The following ERC2 variants were observed in gnomAD, a reference collection of about 807,000 sequenced individuals.
The protein encoded by ERC2 is ELKS/RAB6-interacting/CAST family member 2.
In ERC2, 42 loss-of-function variants were observed where a neutral mutation model predicts 114.8. The observed-to-expected ratio is 0.37, with a 90% CI of 0.29 to 0.47. The LOEUF (loss-of-function observed/expected upper bound fraction) is 0.47, where lower values mean the gene tolerates loss of function less well. Among genes scored for constraint, ERC2 ranks in the 20% least tolerant of loss-of-function variants. The probability of loss-of-function intolerance (pLI) is 0.99; values close to 1 mark genes in which losing one functional copy is unlikely to be tolerated. For missense variants in ERC2, 939 were observed against 1,150.7 expected (o/e 0.82, Z 2.66); for synonymous variants, 454 against 425.5 (o/e 1.07, Z -0.82).
intron 15 of ERC2, among the ~76,000 whole-genome samples, chr3:55,716,911 G>A (rs815410): frequency 0.55 from 83,352 of 152,010 alleles, 23,243 homozygotes; most frequent in South Asian, 0.69. Flanking sequence ...AGGGGCCCAG[G>A]GATTCCCACA....
intron 2 of ERC2, among the ~76,000 whole-genome samples, chr3:56,417,859 T>G (rs1456476731): frequency 6.6e-6 from 1 of 152,188 alleles, no homozygotes; most frequent in African/African-American, 2.4e-5. Flanking sequence ...AGGATTACAA[T>G]GTAAGCATCA....
chr3:55,651,093 T>C (rs2060603795), intron 17 of ERC2, among the ~76,000 whole-genome samples: 2 of 141,020 alleles, frequency 1.4e-5, no homozygotes, highest in Non-Finnish European at 1.5e-5. Flanking sequence ...ATTCCTGACC[T>C]CATGTGATCC....
intron 17 of ERC2, among the ~76,000 whole-genome samples, chr3:55,585,969 C>T (rs2057576906): frequency 6.6e-6 from 1 of 152,186 alleles, no homozygotes; most frequent in Non-Finnish European, 1.5e-5. Context: ...CCTTTCTTCC[C>T]TTAGCCTGCA....
intron 3 of ERC2, among the ~76,000 whole-genome samples, chr3:56,286,352 T>G (rs1342476273): frequency 7.4e-6 from 1 of 134,998 alleles, no homozygotes; most frequent in Non-Finnish European, 1.5e-5. Flanking sequence ...AGGCGGAGGT[T>G]GCAGTGAGCC....
At chr3:55,579,934 A>G (rs9810802) in intron 17 of ERC2, among the ~76,000 whole-genome samples, 9,554 of 152,306 alleles carry the variant, frequency 0.063, 394 homozygotes, top group Middle Eastern at 0.085. Context: ...TGCTTCAAGT[A>G]TCTACACATT....
At chr3:55,905,664 A>G (rs17056149) in intron 13 of ERC2, among the ~76,000 whole-genome samples, 15,007 of 152,220 alleles carry the variant, frequency 0.099, 1,140 homozygotes, top group East Asian at 0.24. Flanking sequence ...TTGCCTTGCA[A>G]ATAAAACCCC....
intron 14 of ERC2, among the ~76,000 whole-genome samples, chr3:55,763,159 A>G (rs1459642250): frequency 1.3e-5 from 2 of 152,270 alleles, no homozygotes; most frequent in Non-Finnish European, 2.9e-5. Flanking sequence ...TGCTCAAAGC[A>G]TAGAGCTTGG....
intron 17 of ERC2, among the ~76,000 whole-genome samples, chr3:55,577,493 C>A (rs1027828067): frequency 3.3e-5 from 5 of 152,184 alleles, no homozygotes; most frequent in African/African-American, 1.2e-4. Context: ...TGCTCCCCAG[C>A]GGCTGCCTCT....
chr3:55,829,547 G>T (rs1489562094), intron 14 of ERC2, among the ~76,000 whole-genome samples: 3 of 152,112 alleles, frequency 2.0e-5, no homozygotes, highest in Non-Finnish European at 4.4e-5. Context: ...ATGAGATGGG[G>T]TCTCCCTCTG....
chr3:55,658,590 G>C (rs1243015132), intron 17 of ERC2: 1 of 152,752 alleles, frequency 6.5e-6, no homozygotes, highest in Non-Finnish European at 1.5e-5. Flanking sequence ...AAAAGATAGG[G>C]AGACAGACAC....
chr3:55,747,238 TATC>T (rs1338450794), intron 14 of ERC2, among the ~76,000 whole-genome samples: 12 of 152,184 alleles, frequency 7.9e-5, no homozygotes, highest in Non-Finnish European at 1.8e-4. Context: ...GCTATCAAAT[TATC>T]ATTTAATACA....
At chr3:56,237,349 C>T (rs1054717939) in intron 3 of ERC2, among the ~76,000 whole-genome samples, 12 of 152,278 alleles carry the variant, frequency 7.9e-5, no homozygotes, top group African/African-American at 2.6e-4. Context: ...GTTGCTTATA[C>T]TTTCATCTTT....
At chr3:55,749,098 C>T (rs1189350703) in intron 14 of ERC2, among the ~76,000 whole-genome samples, 1 of 152,126 alleles carries the variant, frequency 6.6e-6, no homozygotes, top group Admixed American at 6.5e-5. Context: ...CTGCAGAAGG[C>T]CTTTTGCACA....
chr3:56,321,225 G>A (rs948559384), intron 2 of ERC2, among the ~76,000 whole-genome samples: 1 of 151,918 alleles, frequency 6.6e-6, no homozygotes, highest in African/African-American at 2.4e-5. Flanking sequence ...AGACAAATAG[G>A]GTAACTTTAA....
At chr3:55,610,479 C>A (rs2058856163) in intron 17 of ERC2, 1 of 151,014 alleles carries the variant, frequency 6.6e-6, no homozygotes. Flanking sequence ...GCCTGCGCAA[C>A]ATAGTGAAAT....
chr3:55,773,696 A>C (rs2068393185), intron 14 of ERC2, among the ~76,000 whole-genome samples: 2 of 152,238 alleles, frequency 1.3e-5, no homozygotes, highest in Non-Finnish European at 2.9e-5. Context: ...ATGAATATGG[A>C]ATATGGCACA....
At chr3:55,613,965 A>G (rs2059014283) in intron 17 of ERC2, among the ~76,000 whole-genome samples, 1 of 124,712 alleles carries the variant, frequency 8.0e-6, no homozygotes, top group Admixed American at 1.0e-4. Context: ...CCTGGGAGAC[A>G]GAGTGAGACT....
intron 7 of ERC2, among the ~76,000 whole-genome samples, chr3:56,054,826 T>C (rs1019974210): frequency 1.3e-5 from 2 of 152,148 alleles, no homozygotes; most frequent in East Asian, 3.9e-4. Context: ...GCAGTAACAA[T>C]CAAAAGCCTG....
At chr3:55,906,202 C>T (rs1335530106) in intron 13 of ERC2, among the ~76,000 whole-genome samples, 5 of 149,496 alleles carry the variant, frequency 3.3e-5, no homozygotes, top group Admixed American at 6.7e-5. Flanking sequence ...GGGGGCCGGG[C>T]GCGGTGGCTC....
Sources: allele counts gnomAD v4.1 joint callset (sites outside exome capture counted in the v4.1 genomes callset), GRCh38; gene constraint gnomAD v4.1.1; transcripts MANE v1.5; gene names NCBI Gene and HGNC (gene_info 2026-07-23, HGNC 2026-07-21).